Variants in ARHGEF10 observed in about 807,000 individuals in gnomAD.
The protein encoded by ARHGEF10 is Rho guanine nucleotide exchange factor (GEF) 10.
ARHGEF10 carries 140 observed loss-of-function variants against 147.4 expected under a neutral mutation model. The observed-to-expected ratio is 0.95, with a 90% CI of 0.83 to 1.09. The LOEUF (loss-of-function observed/expected upper bound fraction) is 1.09. Ranked by LOEUF, ARHGEF10 falls within the 50% of genes least tolerant of loss-of-function variation. The pLI, the probability that ARHGEF10 is intolerant of heterozygous loss-of-function variation, is 0.00. For missense variants in ARHGEF10, 2,222 were observed against 1,752.7 expected, an observed-to-expected ratio of 1.27 and a Z score of -4.78; for synonymous variants, 902 against 695.8, an observed-to-expected ratio of 1.30 and a Z score of -4.67.
intron 26 of ARHGEF10, among the ~76,000 whole-genome samples, chr8:1,945,230 C>T (rs887424699): frequency 2.6e-5 from 4 of 152,204 alleles, no homozygotes; most frequent in Non-Finnish European, 5.9e-5. Flanking sequence ...AGTGGCCCCT[C>T]GGCAGGCGCA....
At chr8:1,850,144 T>C (rs76200904) in intron 2 of ARHGEF10, among the ~76,000 whole-genome samples, 419 of 20,708 alleles carry the variant, frequency 0.02, 28 homozygotes, top group African/African-American at 0.046. Context: ...CTGAGGAGGG[T>C]GTGGGGCGGC....
chr8:1,905,364 G>A (rs1188787691), intron 16 of ARHGEF10, among the ~76,000 whole-genome samples: 2 of 152,204 alleles, frequency 1.3e-5, no homozygotes, highest in African/African-American at 4.8e-5. Flanking sequence ...TTAATGTAGT[G>A]TTTAAATCGC....
At chr8:1,883,261 C>T (rs1295438489) in intron 10 of ARHGEF10, among the ~76,000 whole-genome samples, 2 of 152,038 alleles carry the variant, frequency 1.3e-5, no homozygotes, top group African/African-American at 2.4e-5. Flanking sequence ...GTGGAGGTGT[C>T]GTGCACGGCG....
Position 1,948,514 on chromosome 8 carries a change from C to T in ARHGEF10, c.3397+2859C>T, listed in dbSNP as rs985170206. Reference sequence around the variant, plus strand: ...CTCCCAGGCTGTGGTCTGCTGCCACCGTGGCCTTGTCAGCAGGAGAAAGGT... The same window carrying T: ...CTCCCAGGCTGTGGTCTGCTGCCACTGTGGCCTTGTCAGCAGGAGAAAGGT... On this transcript the variant is annotated intron_variant, in intron 27 of 28. Transcript: ENST00000349830. The surrounding 1 kb of genome is among the most constrained non-coding windows in gnomAD (Gnocchi z 4.9). Among the ~76,000 whole-genome samples, 3 of 152,184 alleles carry T rather than the reference C, an allele frequency of 2.0e-5. No homozygotes were observed. The highest frequency in any genetic ancestry group is 4.8e-5 in the African/African-American group (2 of 41,442).
intron 20 of ARHGEF10, 50 bp downstream of exon 20, chr8:1,923,645 A>G (rs769880392): frequency 4.0e-5 from 65 of 1,614,082 alleles, no homozygotes; most frequent in Non-Finnish European, 5.4e-5. Flanking sequence ...CTGGGGAGAA[A>G]ATGGTTCTTT....
intron 2 of ARHGEF10, among the ~76,000 whole-genome samples, chr8:1,843,740 C>G (rs962170902): frequency 2.0e-5 from 3 of 152,166 alleles, no homozygotes; most frequent in Non-Finnish European, 4.4e-5. Context: ...GGAGATGGAG[C>G]GGGAGGGTTG....
chr8:1,834,402 A>G (rs6558552), intron 1 of ARHGEF10, among the ~76,000 whole-genome samples: 90,244 of 151,702 alleles, frequency 0.59, 27,176 homozygotes, highest in Middle Eastern at 0.72. Flanking sequence ...GTGAGAAGGT[A>G]GCAGAGCTGG....
chr8:1,899,671 G>A (rs1011242237), intron 15 of ARHGEF10, among the ~76,000 whole-genome samples: 1 of 152,156 alleles, frequency 6.6e-6, no homozygotes. Flanking sequence ...TGTGCAGTTT[G>A]CCTGTATTAC....
At chr8:1,883,410 GC>G (rs1563225965) in intron 10 of ARHGEF10, among the ~76,000 whole-genome samples, 2 of 152,160 alleles carry the variant, frequency 1.3e-5, no homozygotes, top group Non-Finnish European at 2.9e-5. Flanking sequence ...CTCTGACCTG[GC>G]ATTTCCTGGT....
intron 25 of ARHGEF10, among the ~76,000 whole-genome samples, chr8:1,932,849 T>C (rs905514126): frequency 1.3e-5 from 2 of 152,172 alleles, no homozygotes; most frequent in African/African-American, 4.8e-5. Context: ...TTCTCCTGAG[T>C]GAAGTGTGTT....
intron 11 of ARHGEF10, among the ~76,000 whole-genome samples, chr8:1,886,188 A>C (rs185438850): frequency 6.6e-6 from 1 of 152,250 alleles, no homozygotes; most frequent in Non-Finnish European, 1.5e-5. Context: ...GGAAAAAATC[A>C]GTGGTTTTCA....
At chr8:1,863,620 C>T (rs1470801873) in intron 4 of ARHGEF10, among the ~76,000 whole-genome samples, 3 of 152,186 alleles carry the variant, frequency 2.0e-5, no homozygotes, top group Non-Finnish European at 4.4e-5. Context: ...GCAGTACAGC[C>T]ATCACAGACT....
chr8:1,947,794 G>A (rs945890957), intron 27 of ARHGEF10, among the ~76,000 whole-genome samples: 1 of 91,820 alleles, frequency 1.1e-5, no homozygotes, highest in Non-Finnish European at 2.1e-5. Context: ...TCTCCCGCCC[G>A]CCTCCCTACT....
intron 18 of ARHGEF10, among the ~76,000 whole-genome samples, chr8:1,912,852 C>T (rs1811473734): frequency 6.6e-6 from 1 of 152,312 alleles, no homozygotes; most frequent in Middle Eastern, 3.4e-3. Flanking sequence ...TTGCCAGCCT[C>T]CCCGATTGGG....
intron 1 of ARHGEF10, among the ~76,000 whole-genome samples, chr8:1,833,854 C>T (rs1023149269): frequency 6.6e-6 from 1 of 152,258 alleles, no homozygotes; most frequent in African/African-American, 2.4e-5. Flanking sequence ...GCACTGTGCA[C>T]CTCAGCCTCC....
At chr8:1,913,155 C>T (rs560085705) in intron 18 of ARHGEF10, among the ~76,000 whole-genome samples, 100 of 152,102 alleles carry the variant, frequency 6.6e-4, no homozygotes, top group African/African-American at 1.5e-3. Context: ...GGGGAGGTGG[C>T]GCATAGCCCC....
At chr8:1,903,907 A>G (rs894394592) in intron 16 of ARHGEF10, 1 of 225,210 alleles carries the variant, frequency 4.4e-6, no homozygotes, top group Non-Finnish European at 8.8e-6. Flanking sequence ...CAGCCTGGGC[A>G]TGATAGTGAG....
intron 4 of ARHGEF10, among the ~76,000 whole-genome samples, chr8:1,860,992 G>C (rs751437245): frequency 1.3e-5 from 2 of 152,182 alleles, no homozygotes; most frequent in Non-Finnish European, 2.9e-5. Context: ...TGGAAGGTCA[G>C]AGCCACCTGG....
chr8:1,925,556 A>G (rs1812626853), intron 22 of ARHGEF10, 152 bp downstream of exon 22: 23 of 1,149,996 alleles, frequency 2.0e-5, no homozygotes, highest in Non-Finnish European at 2.8e-5. Flanking sequence ...TTTATCTGGA[A>G]ATAAGACTGC....
Sources: gnomAD v4.1 joint callset for allele counts (sites outside exome capture counted in the v4.1 genomes callset) on GRCh38, gnomAD v4.1.1 for gene constraint, Gnocchi (gnomAD v3.1) non-coding constraint, MANE v1.5 for transcripts, NCBI Gene and HGNC (gene_info 2026-07-23, HGNC 2026-07-21) for gene names.